The following CHD6 variants were observed in gnomAD, a reference collection of about 807,000 sequenced individuals.
CHD6 encodes the protein chromodomain helicase DNA binding protein 6.
In CHD6, 50 loss-of-function variants were observed where a neutral mutation model predicts 276.9. That is an observed-to-expected ratio of 0.18 (90% confidence interval 0.14 to 0.23). The LOEUF is 0.23. CHD6 is among the 10% of genes least tolerant of loss of function. The pLI, the probability that CHD6 is intolerant of heterozygous loss-of-function variation, is 1.00. For synonymous variants in CHD6, 1,173 were observed against 1,229.3 expected (o/e 0.95, Z 0.96); for missense variants, 2,564 against 3,365.8 (o/e 0.76, Z 5.89).
intron 30 of CHD6, 87 bp downstream of exon 30, chr20:41,423,405 A>T: frequency 7.8e-7 from 1 of 1,276,264 alleles, no homozygotes; most frequent in Non-Finnish European, 1.1e-6. Context: ...TCTAGTTTTT[A>T]TAGGTATACC....
chr20:41,494,660 G>T (rs754336824), intron 8 of CHD6, among the ~76,000 whole-genome samples: 54 of 152,292 alleles, frequency 3.5e-4, no homozygotes, highest in Middle Eastern at 3.4e-3. Flanking sequence ...GTTCACCCAG[G>T]TCTTTCTTAC....
intron 3 of CHD6, among the ~76,000 whole-genome samples, chr20:41,520,781 T>C (rs2044373552): frequency 6.6e-6 from 1 of 151,930 alleles, no homozygotes; most frequent in African/African-American, 2.4e-5. Flanking sequence ...GTAACTAACC[T>C]GCATGTTCTG....
chr20:41,552,772 T>C (rs574179228), intron 1 of CHD6, among the ~76,000 whole-genome samples: 2 of 152,276 alleles, frequency 1.3e-5, no homozygotes, highest in East Asian at 1.9e-4. Flanking sequence ...GAGACATGTC[T>C]ACCAAGGTAC....
At chr20:41,523,227 G>C (rs1466735443) in intron 3 of CHD6, among the ~76,000 whole-genome samples, 1 of 152,024 alleles carries the variant, frequency 6.6e-6, no homozygotes, top group Admixed American at 6.5e-5. Flanking sequence ...TATGTTACTT[G>C]TAACCAAGAG....
At chr20:41,609,923 C>A (rs1362926936) in intron 1 of CHD6, among the ~76,000 whole-genome samples, 1 of 150,222 alleles carries the variant, frequency 6.7e-6, no homozygotes, top group Non-Finnish European at 1.5e-5. Flanking sequence ...GTGGCACGAC[C>A]TTGGCTCGCT....
chr20:41,589,563 A>G (rs987986406), intron 1 of CHD6, among the ~76,000 whole-genome samples: 16 of 152,228 alleles, frequency 1.1e-4, no homozygotes, highest in Admixed American at 7.2e-4. Context: ...AAGCATTCTT[A>G]TACACCAATA....
Position 41,452,934 on chromosome 20 carries a change from T to C in CHD6, c.3129A>G (p.Leu1043=), listed in dbSNP as rs758518128. 3.1e-6 allele frequency: 5 copies of C among 1,613,560 alleles called. No individual in the cohort carries two copies. Among genetic ancestry groups the C allele is most frequent in the Non-Finnish European group, 4.2e-6 (5 of 1,179,680 alleles). Residue 1043 remains leucine, a synonymous_variant, in exon 21 of 37, where the codon TTA becomes TTG. Transcript: ENST00000373233. This position sits in a 1 kb window ranked among gnomAD's most constrained non-coding sequence, Gnocchi z 4.2. ...DTEAKNEKES[L]VIDRPRVRKQ... is the part of the protein sequence containing the mutation. ...TTCTCACGCGAGGTCGGTCGATCACTAAGCTTTCCTAGAAATGGAGAGGAC... is the reference window on the plus strand; with the variant it reads ...TTCTCACGCGAGGTCGGTCGATCACCAAGCTTTCCTAGAAATGGAGAGGAC...
intron 1 of CHD6, among the ~76,000 whole-genome samples, chr20:41,590,133 A>G (rs1350059637): frequency 6.6e-6 from 1 of 152,218 alleles, no homozygotes; most frequent in African/African-American, 2.4e-5. Flanking sequence ...CTATTTAATA[A>G]ATGGTGCTGG....
rs771649762 is a variant in CHD6, at chr20:41,415,407, G to C, written c.6718C>G (p.Pro2240Ala). The stretch of plus-strand genomic sequence containing the variant: ...AGTGAACTGATAGCCCCAATCTTAG[G>C]GGTGCTGGCGCTCACTGGGAAAGGG... ...TSPFPVSAST[P>A]KIGAISSLQG... Residue 2240 changes from proline (P) to alanine (A), a missense_variant, in exon 34 of 37, where the codon CCT becomes GCT. By Grantham distance (27) the Pro-to-Ala change is conservative. Coordinates refer to ENST00000373233, the MANE Select transcript of CHD6 (RefSeq NM_032221.5). The C allele has an allele frequency of 6.2e-7, 1 of 1,613,108 alleles. No individual in the cohort carries two copies. The highest frequency in any genetic ancestry group is 1.7e-5 in the Admixed American group (1 of 59,818).
At chr20:41,486,056 T>G (rs2043405974) in intron 14 of CHD6, 1 of 152,186 alleles carries the variant, frequency 6.6e-6, no homozygotes. Flanking sequence ...CTTAATCTTT[T>G]TATGAGACTT....
chr20:41,551,965 C>G (rs2045154210), intron 1 of CHD6, among the ~76,000 whole-genome samples: 1 of 152,220 alleles, frequency 6.6e-6, no homozygotes, highest in South Asian at 2.1e-4. Context: ...AGCCCCCATC[C>G]CCACTGCAAC....
chr20:41,406,754 C>A (rs567013406), intron 36 of CHD6, among the ~76,000 whole-genome samples: 1 of 152,228 alleles, frequency 6.6e-6, no homozygotes, highest in South Asian at 2.1e-4. Context: ...CTTTCTCTCT[C>A]TCGACTGCCC....
chr20:41,448,600 C>T (rs758516631), intron 23 of CHD6, among the ~76,000 whole-genome samples: 23 of 152,176 alleles, frequency 1.5e-4, no homozygotes, highest in Non-Finnish European at 2.2e-4. Flanking sequence ...CTTTCGCCAT[C>T]GGATGACCCT....
intron 23 of CHD6, among the ~76,000 whole-genome samples, chr20:41,448,606 AC>A (rs1287893957): frequency 6.6e-6 from 1 of 151,908 alleles, no homozygotes; most frequent in Non-Finnish European, 1.5e-5. Flanking sequence ...CCATCGGATG[AC>A]CCTTGCCCAC....
rs115396417 is a variant in CHD6 at position 41,597,999 on chromosome 20, T to C, written c.-24+20341A>G. On this transcript the variant is annotated intron_variant, in intron 1 of 36. Coordinates refer to ENST00000373233, the MANE Select transcript of CHD6 (RefSeq NM_032221.5). ...CTCTGCAAACAGAGCGTCTCTGCCATAGCTGGTCCAATGTTCTATGGACTA... is the reference window on the plus strand; with the variant it reads ...CTCTGCAAACAGAGCGTCTCTGCCACAGCTGGTCCAATGTTCTATGGACTA... 2.5e-3 allele frequency among the ~76,000 whole-genome samples: 380 copies of C among 152,262 alleles called. 2 individuals carry two copies. The highest frequency in any genetic ancestry group is 8.8e-3 in the African/African-American group (367 of 41,560).
intron 1 of CHD6, among the ~76,000 whole-genome samples, chr20:41,578,552 C>G (rs556840971): frequency 6.6e-6 from 1 of 151,794 alleles, no homozygotes; most frequent in Non-Finnish European, 1.5e-5. Flanking sequence ...TAGGGGCAGG[C>G]GCCTATAATC....
intron 1 of CHD6, among the ~76,000 whole-genome samples, chr20:41,587,579 C>T (rs1568719244): frequency 6.6e-6 from 1 of 152,146 alleles, no homozygotes; most frequent in Non-Finnish European, 1.5e-5. Context: ...GGTATGCAGC[C>T]TCAGAAAATT....
intron 1 of CHD6, among the ~76,000 whole-genome samples, chr20:41,585,615 C>T (rs1004063848): frequency 1.1e-4 from 17 of 151,676 alleles, no homozygotes; most frequent in African/African-American, 3.6e-4. Context: ...GAACTCCAGG[C>T]GCAGATGACT....
Position 41,404,677 on chromosome 20 carries a change from G to A in CHD6, c.8064C>T (p.Pro2688=). 1 of 1,560,762 alleles carries A rather than the reference G, an allele frequency of 6.4e-7. No individual in the cohort carries two copies. The highest frequency in any genetic ancestry group is 8.7e-7 in the Non-Finnish European group (1 of 1,152,350). ...EPSGDENCAE[P]SAPLPAEREH... is the part of the protein sequence containing the mutation. ...CTCTCTCTGCGGGCAAAGGGGCACT[G>A]GGTTCGGCACAGTTCTCATCACCGC... is the stretch of plus-strand genomic sequence containing the variant. Residue 2688 remains proline (P), a synonymous_variant, in exon 37 of 37, where the codon CCC becomes CCT. Coordinates refer to ENST00000373233, the MANE Select transcript of CHD6 (RefSeq NM_032221.5).
Sources: gnomAD v4.1 joint callset for allele counts (sites outside exome capture counted in the v4.1 genomes callset) on GRCh38, gnomAD v4.1.1 for gene constraint, Gnocchi (gnomAD v3.1) non-coding constraint, MANE v1.5 for transcripts, NCBI Gene and HGNC (gene_info 2026-07-23, HGNC 2026-07-21) for gene names.